The following DLG2 variants were observed in gnomAD, a reference collection of about 807,000 sequenced individuals.
The protein encoded by DLG2 is discs large MAGUK scaffold protein 2, also known as disks large homolog 2.
In DLG2, 45 loss-of-function variants were observed where a neutral mutation model predicts 132.5. The ratio of observed to expected loss-of-function variants is 0.34; its 90% CI spans 0.27 to 0.44. DLG2 has a LOEUF of 0.44. Ranked by LOEUF, DLG2 falls within the 20% of genes least tolerant of loss-of-function variation. The probability of loss-of-function intolerance (pLI) is 1.00; values close to 1 mark genes in which losing one functional copy is unlikely to be tolerated. For synonymous variants in DLG2, 424 were observed against 419.6 expected (o/e 1.01, Z -0.13); for missense variants, 1,045 against 1,196.9 (o/e 0.87, Z 1.87).
intron 7 of DLG2, among the ~76,000 whole-genome samples, chr11:84,251,544 A>G (rs928550767): frequency 4.6e-5 from 7 of 152,046 alleles, no homozygotes; most frequent in Admixed American, 4.6e-4. Flanking sequence ...TTTCTCTTAC[A>G]TTCTACAAAA....
At chr11:83,923,367 A>G (rs12272479) in intron 15 of DLG2, among the ~76,000 whole-genome samples, 26,223 of 152,060 alleles carry the variant, frequency 0.17, 2,632 homozygotes, top group Middle Eastern at 0.23. Flanking sequence ...TAATGAGGGA[A>G]TTGAGGCTCT....
chr11:83,964,162 G>T (rs1483409), intron 13 of DLG2, among the ~76,000 whole-genome samples: 27,699 of 151,826 alleles, frequency 0.18, 3,831 homozygotes, highest in African/African-American at 0.39. Context: ...GTTTATTAGA[G>T]TCGTTTTCTC....
intron 8 of DLG2, among the ~76,000 whole-genome samples, chr11:84,216,784 A>C (rs1236927056): frequency 6.6e-6 from 1 of 152,354 alleles, no homozygotes; most frequent in African/African-American, 2.4e-5. Context: ...TATTGCTCAT[A>C]GTAATTCAGG....
rs147697959 is a variant in DLG2 at position 85,001,985 on chromosome 11, A to C, written c.357+109676T>G. Among the ~76,000 whole-genome samples the C allele has an allele frequency of 1.6e-4, 24 of 152,334 alleles. 1 individual carries two copies. The East Asian group carries it at 3.3e-3, about 21-fold the overall frequency. ...CCTAAAAAATAAATTCTCTTAAAAAATGCTGATATCCTTTGCCCCACCTGA... is the reference window on the plus strand; with the variant it reads ...CCTAAAAAATAAATTCTCTTAAAAACTGCTGATATCCTTTGCCCCACCTGA... On this transcript the variant is annotated intron_variant, in intron 6 of 27. Transcript: ENST00000376104.
intron 3 of DLG2, among the ~76,000 whole-genome samples, chr11:85,594,932 G>A (rs2153233078): frequency 6.6e-6 from 1 of 151,864 alleles, no homozygotes; most frequent in South Asian, 2.1e-4. Flanking sequence ...CAGGAGTGGT[G>A]GTGCATGCCT....
chr11:83,999,982 T>C (rs951596740), intron 11 of DLG2, among the ~76,000 whole-genome samples: 9 of 150,046 alleles, frequency 6.0e-5, no homozygotes, highest in Admixed American at 6.6e-5. Context: ...AATATGATAA[T>C]GTCAAAGAAA....
chr11:84,187,944 G>T (rs1383554894), intron 8 of DLG2, among the ~76,000 whole-genome samples: 1 of 152,110 alleles, frequency 6.6e-6, no homozygotes, highest in Non-Finnish European at 1.5e-5. Context: ...ACTCTAAAAT[G>T]TAACCACTAC....
intron 6 of DLG2, among the ~76,000 whole-genome samples, chr11:84,719,611 T>C (rs1178527089): frequency 1.3e-5 from 2 of 152,176 alleles, no homozygotes; most frequent in Non-Finnish European, 2.9e-5. Flanking sequence ...CAATGAATGA[T>C]AACCTGTTTT....
chr11:83,878,503 T>C (rs1217711704), intron 15 of DLG2, among the ~76,000 whole-genome samples: 1 of 152,208 alleles, frequency 6.6e-6, no homozygotes, highest in Non-Finnish European at 1.5e-5. Flanking sequence ...CTGAAACACA[T>C]TGTTAGAAAA....
intron 6 of DLG2, among the ~76,000 whole-genome samples, chr11:84,771,504 G>C (rs1426182408): frequency 6.6e-6 from 1 of 152,124 alleles, no homozygotes; most frequent in Non-Finnish European, 1.5e-5. Context: ...CCAGATGCTG[G>C]ATATTAGACC....
At chr11:85,194,009 A>G (rs2080839085) in intron 4 of DLG2, among the ~76,000 whole-genome samples, 1 of 152,238 alleles carries the variant, frequency 6.6e-6, no homozygotes, top group Admixed American at 6.5e-5. Context: ...ATTAGTGACT[A>G]CTGGCCCCCA....
chr11:85,175,275 G>A (rs988220632), intron 4 of DLG2, among the ~76,000 whole-genome samples: 10 of 151,926 alleles, frequency 6.6e-5, no homozygotes, highest in Non-Finnish European at 1.0e-4. Flanking sequence ...ACCATGACCC[G>A]ACAGTTGGCT....
chr11:85,259,941 A>G (rs2076857329), intron 4 of DLG2, among the ~76,000 whole-genome samples: 1 of 152,182 alleles, frequency 6.6e-6, no homozygotes, highest in South Asian at 2.1e-4. Context: ...TGTTTTTTAA[A>G]GTAATAAATG....
chr11:83,724,568 G>T (rs2089601926), intron 18 of DLG2, among the ~76,000 whole-genome samples: 1 of 150,396 alleles, frequency 6.6e-6, no homozygotes, highest in East Asian at 2.0e-4. Flanking sequence ...TGCTGAAGAG[G>T]CCAGTGGTAA....
At chr11:83,834,395 C>T (rs1203283990) in intron 16 of DLG2, among the ~76,000 whole-genome samples, 1 of 151,884 alleles carries the variant, frequency 6.6e-6, no homozygotes, top group Non-Finnish European at 1.5e-5. Context: ...GAAGTCACAG[C>T]CTGAAGAAGG....
intron 7 of DLG2, among the ~76,000 whole-genome samples, chr11:84,481,621 T>A (rs1242049140): frequency 6.6e-6 from 1 of 152,136 alleles, no homozygotes; most frequent in African/African-American, 2.4e-5. Context: ...CTAAAAAGCC[T>A]TCTCTCATTT....
intron 6 of DLG2, among the ~76,000 whole-genome samples, chr11:84,635,416 G>A (rs1040687147): frequency 4.6e-5 from 7 of 152,220 alleles, no homozygotes; most frequent in East Asian, 3.9e-4. Flanking sequence ...TAAAAGGAAC[G>A]TGAAAAATAT....
chr11:84,090,414 C>CAAAAAAA (rs397848695), intron 10 of DLG2, among the ~76,000 whole-genome samples: 3 of 78,606 alleles, frequency 3.8e-5, no homozygotes, highest in African/African-American at 9.9e-5. Context: ...GATTTCATCT[C>CAAAAAAA]AAAAAAAAAA....
intron 6 of DLG2, among the ~76,000 whole-genome samples, chr11:85,006,484 T>C (rs2058670921): frequency 6.6e-6 from 1 of 152,186 alleles, no homozygotes; most frequent in Non-Finnish European, 1.5e-5. Flanking sequence ...AATTTGTCCA[T>C]TTCTTCTACA....
Sources: allele counts gnomAD v4.1 joint callset (sites outside exome capture counted in the v4.1 genomes callset), GRCh38; gene constraint gnomAD v4.1.1; transcripts MANE v1.5; gene names NCBI Gene and HGNC (gene_info 2026-07-23, HGNC 2026-07-21).